Variants in NID1 observed in about 807,000 individuals in gnomAD.
NID1 encodes the protein nidogen 1, also known as nidogen-1.
Under a neutral mutation model 130.6 loss-of-function variants are expected in NID1, and 76 were observed. The observed-to-expected ratio is 0.58, with a 90% CI of 0.48 to 0.70. The LOEUF is 0.70. Among genes scored for constraint, NID1 ranks in the 30% least tolerant of loss-of-function variants. The pLI is 0.00. For missense variants in NID1, 1,517 were observed against 1,664.8 expected (o/e 0.91, Z 1.54); for synonymous variants, 665 against 675.1 (o/e 0.98, Z 0.23).
chr1:235,982,832 G>C (rs774085528), intron 15 of NID1, among the ~76,000 whole-genome samples: 42 of 152,286 alleles, frequency 2.8e-4, no homozygotes, highest in Middle Eastern at 3.4e-3. Context: ...CCCTACCTGA[G>C]GGATCTGGGG....
At chr1:236,005,406 G>A (rs1166804360) in intron 12 of NID1, among the ~76,000 whole-genome samples, 2 of 151,940 alleles carry the variant, frequency 1.3e-5, no homozygotes, top group Non-Finnish European at 2.9e-5. Context: ...TCGTAATTTT[G>A]TAAGACACAA....
chr1:236,047,779 C>A (rs1332627158), intron 2 of NID1, among the ~76,000 whole-genome samples: 1 of 152,120 alleles, frequency 6.6e-6, no homozygotes, highest in Non-Finnish European at 1.5e-5. Flanking sequence ...GTAATCCCAG[C>A]ACTTTGGGAG....
chr1:236,058,911 G>A (rs754515515), intron 1 of NID1, among the ~76,000 whole-genome samples: 33 of 152,182 alleles, frequency 2.2e-4, no homozygotes, highest in Non-Finnish European at 4.3e-4. Context: ...GTGAGAGGCA[G>A]CAGGAACTTA....
intron 1 of NID1, among the ~76,000 whole-genome samples, chr1:236,054,383 G>A (rs577634496): frequency 3.2e-4 from 48 of 152,194 alleles, no homozygotes; most frequent in African/African-American, 1.1e-3. Flanking sequence ...TTGAACCTGG[G>A]AGGTGGAGGT....
intron 12 of NID1, among the ~76,000 whole-genome samples, chr1:235,998,960 C>T (rs551015001): frequency 7.4e-4 from 112 of 152,214 alleles, no homozygotes; most frequent in Non-Finnish European, 1.4e-3. Flanking sequence ...TCAGTTCTAA[C>T]GAGAACCTAG....
In NID1 at chr1:236,013,582, C is replaced by T. The variant is rs1314352038; in HGVS notation, c.2255-22G>A. On this transcript the variant is annotated intron_variant, in intron 10 of 19. Transcript: ENST00000264187. ...ACAGCTTCAGAACAAAAGGTTGATG[C>T]ACAGTCTTAGGAAGAAAGTCCCCTG... The T allele has an allele frequency of 8.7e-6, 14 of 1,613,984 alleles. 2 individuals are homozygous for T. The South Asian group carries it at 1.4e-4, about 16-fold the overall frequency.
intron 3 of NID1, among the ~76,000 whole-genome samples, chr1:236,043,383 T>G (rs762392525): frequency 3.9e-5 from 6 of 152,024 alleles, no homozygotes; most frequent in Non-Finnish European, 8.8e-5. Flanking sequence ...AGTGCTAGAA[T>G]TGAACTGAAG....
chr1:235,985,654 G>T lies in NID1; in HGVS notation c.2929-149C>A, dbSNP rs904245740. 55 of 896,482 alleles carry T rather than the reference G, an allele frequency of 6.1e-5. No homozygotes were observed. The South Asian group carries it at 9.5e-4, about 15-fold the overall frequency. The allele number at this position is 896,482 out of a possible 1,614,324, so 55.5% of individuals were successfully genotyped here. On this transcript the variant is annotated intron_variant, in intron 14 of 19. Coordinates refer to ENST00000264187, the MANE Select transcript of NID1 (RefSeq NM_002508.3). ...AAAAATTTTTATTATTGAGTTGTAGGAGTTGTTCGTATATTTCAGAAAAAA... is the reference window on the plus strand; with the variant it reads ...AAAAATTTTTATTATTGAGTTGTAGTAGTTGTTCGTATATTTCAGAAAAAA...
chr1:236,018,595 G>A (rs929919373), intron 9 of NID1, among the ~76,000 whole-genome samples: 2 of 152,162 alleles, frequency 1.3e-5, no homozygotes, highest in African/African-American at 4.8e-5. Flanking sequence ...GGGTTGAAAT[G>A]AACAGTTACA....
chr1:236,044,454 A>C (rs759876973), intron 3 of NID1, among the ~76,000 whole-genome samples: 12 of 152,208 alleles, frequency 7.9e-5, no homozygotes, highest in Non-Finnish European at 1.5e-4. Context: ...ATAATGGTGC[A>C]TGTTTTCTGA....
intron 10 of NID1, among the ~76,000 whole-genome samples, chr1:236,016,841 C>T (rs1572597958): frequency 6.6e-6 from 1 of 152,002 alleles, no homozygotes; most frequent in South Asian, 2.1e-4. Flanking sequence ...TGTCTAATAG[C>T]TTATAGTTAT....
intron 1 of NID1, among the ~76,000 whole-genome samples, chr1:236,051,435 T>C (rs376726425): frequency 3.9e-5 from 6 of 152,340 alleles, no homozygotes; most frequent in African/African-American, 1.2e-4. Context: ...GCAGAACCGA[T>C]TGGCACCCAG....
intron 12 of NID1, among the ~76,000 whole-genome samples, chr1:235,995,392 G>A (rs1288514394): frequency 6.6e-6 from 1 of 152,178 alleles, no homozygotes; most frequent in Admixed American, 6.5e-5. Context: ...ATGCCCCGTG[G>A]ATACTGAGGG....
chr1:236,020,498 G>A (rs1658730416), intron 9 of NID1, among the ~76,000 whole-genome samples: 1 of 152,170 alleles, frequency 6.6e-6, no homozygotes, highest in South Asian at 2.1e-4. Context: ...AACAGCGGGA[G>A]CCATCCTGCC....
rs755408772 is a variant in NID1, at chr1:236,064,872, C to T, written c.208G>A (p.Asp70Asn). The change falls in exon 1 of 20, where the codon GAC becomes AAC. Residue 70 changes from aspartate (D) to asparagine (N), a missense_variant. By Grantham distance (23) the Asp-to-Asn change is conservative (BLOSUM62 1). Coordinates refer to ENST00000264187, the MANE Select transcript of NID1 (RefSeq NM_002508.3). ...SGALRFYDRS[D>N]IDAVYVTTNG... ...TCACTCACGTAGACTGCGTCGATGT[C>T]GGATCTGTCGTAGAAGCGGAGCGCC... 1 of 1,611,956 alleles carries T rather than the reference C, an allele frequency of 6.2e-7. No homozygotes were observed. The highest frequency in any genetic ancestry group is 8.5e-7 in the Non-Finnish European group (1 of 1,179,332).
chr1:235,992,740 T>C (rs1052344746), intron 13 of NID1, among the ~76,000 whole-genome samples: 3 of 152,252 alleles, frequency 2.0e-5, no homozygotes, highest in African/African-American at 7.2e-5. Flanking sequence ...ATGTTGGCTG[T>C]GTGAACGAGT....
At position 235,977,238 on chromosome 1, in the gene NID1, T is replaced by C. The variant is rs529137717; in HGVS notation, c.*629A>G. ...CTCATTATCATCCACCAAATGCCCA[T>C]AGATCTCTAGGACAGGGTAGGTTTT... is the stretch of plus-strand genomic sequence containing the variant. On this transcript the variant is annotated 3_prime_UTR_variant, in exon 20 of 20. Coordinates refer to ENST00000264187, the MANE Select transcript of NID1 (RefSeq NM_002508.3). The C allele has an allele frequency of 2.9e-4, 44 of 152,348 alleles. No homozygotes were observed. The highest frequency in any genetic ancestry group is 9.9e-4 in the African/African-American group (41 of 41,548). 9.4% of individuals were successfully genotyped at this position (152,348 alleles called of 1,614,324 possible).
At chr1:235,995,470 G>A (rs1013045810) in intron 12 of NID1, among the ~76,000 whole-genome samples, 1 of 152,188 alleles carries the variant, frequency 6.6e-6, no homozygotes, top group Non-Finnish European at 1.5e-5. Flanking sequence ...ATTCCACACT[G>A]GTTAGAGTTC....
intron 12 of NID1, among the ~76,000 whole-genome samples, chr1:236,011,053 A>T (rs1658394802): frequency 6.6e-6 from 1 of 152,108 alleles, no homozygotes; most frequent in Non-Finnish European, 1.5e-5. Context: ...GTGTACCTGC[A>T]CCACCCTCAA....
Sources: allele counts gnomAD v4.1 joint callset (sites outside exome capture counted in the v4.1 genomes callset), GRCh38; gene constraint gnomAD v4.1.1; transcripts MANE v1.5; gene names NCBI Gene and HGNC (gene_info 2026-07-23, HGNC 2026-07-21).